The following NECAB2 variants were observed in gnomAD, a reference collection of about 807,000 sequenced individuals.
NECAB2 encodes the protein N-terminal EF-hand calcium-binding protein 2.
NECAB2 carries 68 observed loss-of-function variants against 51.9 expected under a neutral mutation model. The ratio of observed to expected loss-of-function variants is 1.31; its 90% confidence interval spans 1.08 to 1.60. NECAB2 has a LOEUF of 1.60. NECAB2 is among the 40% of genes most tolerant of loss of function. NECAB2 has a pLI of 0.00. For missense variants in NECAB2, 854 were observed against 490.3 expected (o/e 1.74, Z -7.00); for synonymous variants, 329 against 203.5 (o/e 1.62, Z -5.25).
chr16:83,970,771 G>A (rs971548322), intron 1 of NECAB2, among the ~76,000 whole-genome samples: 4 of 152,168 alleles, frequency 2.6e-5, no homozygotes, highest in African/African-American at 9.7e-5. Context: ...GGGGGCCACC[G>A]CAGAAGCTGG....
chr16:83,985,310 TCTC>T (rs2084538935), intron 5 of NECAB2, among the ~76,000 whole-genome samples: 1 of 57,692 alleles, frequency 1.7e-5, no homozygotes. Flanking sequence ...CAAATCTCTG[TCTC>T]AAAAAAAAAA....
At chr16:83,978,682 C>T (rs1292940305) in intron 3 of NECAB2, 130 bp downstream of exon 3, 15 of 722,220 alleles carry the variant, frequency 2.1e-5, no homozygotes, top group Non-Finnish European at 3.0e-5. Flanking sequence ...TTTGCTAATC[C>T]AGAAGTCAGC....
chr16:83,990,443 A>T (rs759314026), intron 5 of NECAB2, 51 bp from the exon 6 acceptor site: 1 of 1,601,332 alleles, frequency 6.2e-7, no homozygotes, highest in South Asian at 1.1e-5. Flanking sequence ...CCCCACCTCC[A>T]ATTTCCCTCC....
At chr16:83,995,411 G>A (rs1286109615) in intron 8 of NECAB2, among the ~76,000 whole-genome samples, 1 of 152,058 alleles carries the variant, frequency 6.6e-6, no homozygotes, top group African/African-American at 2.4e-5. Context: ...CTGGAGCATG[G>A]GACCCCTCCC....
chr16:83,998,411 T>C (rs2084752341), intron 10 of NECAB2, 94 bp downstream of exon 10: 4 of 1,192,636 alleles, frequency 3.4e-6, no homozygotes, highest in Admixed American at 2.1e-5. Flanking sequence ...CCCTAAGTAG[T>C]ACAAGTTGCA....
Position 83,994,434 on chromosome 16 carries a change from G to A in NECAB2, c.715+14G>A. On this transcript the variant is annotated intron_variant, in intron 7 of 12. Transcript: ENST00000305202. The stretch of plus-strand genomic sequence containing the variant: ...CCCTTCCATCTGGTGAGAGAAAGCG[G>A]GGGCCCTGGTGGGGGTACCAGCTGG... 1 of 1,613,480 alleles carries A rather than the reference G, an allele frequency of 6.2e-7. No individual in the cohort carries two copies. The highest frequency in any genetic ancestry group is 8.5e-7 in the Non-Finnish European group (1 of 1,179,458).
chr16:83,992,929 A>C (rs1378206036), intron 6 of NECAB2, among the ~76,000 whole-genome samples: 1 of 151,690 alleles, frequency 6.6e-6, no homozygotes, highest in Non-Finnish European at 1.5e-5. Flanking sequence ...CTCCTGCCGC[A>C]GAACAGATAG....
intron 5 of NECAB2, among the ~76,000 whole-genome samples, chr16:83,981,625 A>G (rs1007637239): frequency 6.6e-6 from 1 of 152,138 alleles, no homozygotes; most frequent in Non-Finnish European, 1.5e-5. Flanking sequence ...GAGGCTCACA[A>G]AGGTGAACTC....
intron 2 of NECAB2, among the ~76,000 whole-genome samples, chr16:83,974,291 C>G (rs1390597250): frequency 6.6e-6 from 1 of 152,198 alleles, no homozygotes; most frequent in Non-Finnish European, 1.5e-5. Flanking sequence ...TCACCAAATT[C>G]TGCAGTCTCA....
At chr16:83,980,165 G>A (rs1471533469) in intron 3 of NECAB2, among the ~76,000 whole-genome samples, 1 of 152,224 alleles carries the variant, frequency 6.6e-6, no homozygotes. Flanking sequence ...ACATTGACTT[G>A]GCAGTAGCTC....
intron 6 of NECAB2, 49 bp downstream of exon 6, chr16:83,990,679 CGCACGT>C (rs1024888992): frequency 6.3e-7 from 1 of 1,597,574 alleles, no homozygotes. Flanking sequence ...GCCGTGCACG[CGCACGT>C]GCCCACCTGC....
chr16:83,998,186 C>G lies in NECAB2; in HGVS notation c.850-19C>G, dbSNP rs1474709147. The G allele has an allele frequency of 5.6e-6, 9 of 1,604,032 alleles. No individual in the cohort carries two copies. The highest frequency in any genetic ancestry group is 1.7e-5 in the Admixed American group (1 of 59,808). On this transcript the variant is annotated intron_variant, in intron 9 of 12. Transcript: ENST00000305202. Reference sequence around the variant, plus strand: ...GGCCTGACGTGGAGCCCCACACTGACTCCTGCTGTGCCCGGCAGCACCTGC... The same window carrying G: ...GGCCTGACGTGGAGCCCCACACTGAGTCCTGCTGTGCCCGGCAGCACCTGC...
intron 5 of NECAB2, among the ~76,000 whole-genome samples, chr16:83,986,967 A>G (rs2151092835): frequency 6.6e-6 from 1 of 152,250 alleles, no homozygotes; most frequent in Admixed American, 6.5e-5. Context: ...TACACTAGAA[A>G]CGCAACCCCC....
rs890160469 is a variant in NECAB2, at chr16:83,994,888, A to G, written c.795+200A>G. On this transcript the variant is annotated intron_variant, in intron 8 of 12. Coordinates refer to ENST00000305202, the MANE Select transcript of NECAB2 (RefSeq NM_019065.3). ...GGGGATGCTCGTGTTGTTCAGGCCC[A>G]AGGAGGGGCGCCTGGGAAGAGAGAG... 2.0e-5 allele frequency among the ~76,000 whole-genome samples: 3 copies of G among 152,146 alleles called. No individual in the cohort carries two copies. In the South Asian group the frequency reaches 6.2e-4, roughly 32 times the overall value.
chr16:83,983,580 A>G (rs1303870283), intron 5 of NECAB2, among the ~76,000 whole-genome samples: 1 of 152,200 alleles, frequency 6.6e-6, no homozygotes, highest in Non-Finnish European at 1.5e-5. Flanking sequence ...GTATTTTTAA[A>G]TGATCATATG....
chr16:83,990,347 C>A, intron 5 of NECAB2, 147 bp from the exon 6 acceptor site: 1 of 1,026,616 alleles, frequency 9.7e-7, no homozygotes, highest in South Asian at 1.6e-5. Flanking sequence ...GCCTCTAAGA[C>A]TGGACCCCAG....
chr16:83,990,780 A>T (rs1567673182), intron 6 of NECAB2, 150 bp downstream of exon 6: 5 of 986,576 alleles, frequency 5.1e-6, no homozygotes, highest in Admixed American at 2.9e-5. Context: ...GTGCTCCATT[A>T]TGTAATATAG....
At chr16:83,985,145 T>C (rs1331643642) in intron 5 of NECAB2, among the ~76,000 whole-genome samples, 9 of 151,690 alleles carry the variant, frequency 5.9e-5, no homozygotes, top group African/African-American at 1.9e-4. Flanking sequence ...AAACCCTGTC[T>C]GTACTAAAAA....
chr16:84,001,746 A>T, intron 11 of NECAB2, 79 bp from the exon 12 acceptor site: 1 of 1,494,632 alleles, frequency 6.7e-7, no homozygotes, highest in Non-Finnish European at 9.3e-7. Context: ...ATTTTGGGCT[A>T]GAGCTAGGAT....
Sources: allele counts gnomAD v4.1 joint callset (sites outside exome capture counted in the v4.1 genomes callset), GRCh38; gene constraint gnomAD v4.1.1; transcripts MANE v1.5; gene names NCBI Gene and HGNC (gene_info 2026-07-23, HGNC 2026-07-21).